The following BMERB1 variants were observed in gnomAD, a reference collection of about 807,000 sequenced individuals.
BMERB1 encodes the protein bMERB domain containing 1.
In BMERB1, 12 loss-of-function variants were observed where a neutral mutation model predicts 23.6. The observed-to-expected ratio is 0.51, with a 90% CI of 0.33 to 0.82. The LOEUF is 0.82. Ranked by LOEUF, BMERB1 falls within the 40% of genes least tolerant of loss-of-function variation. BMERB1 has a pLI of 0.03. For synonymous variants in BMERB1, 122 were observed against 96.6 expected (o/e 1.26, Z -1.54); for missense variants, 247 against 255.4 (o/e 0.97, Z 0.22).
chr16:15,441,714 T>A (rs1006618075), intron 1 of BMERB1, among the ~76,000 whole-genome samples: 8 of 151,510 alleles, frequency 5.3e-5, no homozygotes, highest in African/African-American at 1.9e-4. Flanking sequence ...AGAGATGGGG[T>A]TTTGCTGTGT....
intron 1 of BMERB1, among the ~76,000 whole-genome samples, chr16:15,499,505 A>G (rs115992313): frequency 0.014 from 2,113 of 152,236 alleles, 57 homozygotes; most frequent in African/African-American, 0.049. Context: ...TTGGACTTCT[A>G]TGAGGTCACA....
At chr16:15,521,187 T>C (rs1198150619) in intron 2 of BMERB1, among the ~76,000 whole-genome samples, 1 of 152,246 alleles carries the variant, frequency 6.6e-6, no homozygotes, top group East Asian at 1.9e-4. Flanking sequence ...ATCTTGTCAG[T>C]GATGGGCTTT....
chr16:15,578,326 G>A (rs1007160518), intron 3 of BMERB1, among the ~76,000 whole-genome samples: 1 of 151,068 alleles, frequency 6.6e-6, no homozygotes, highest in African/African-American at 2.4e-5. Flanking sequence ...AGCCTCCCAA[G>A]TAGCTGGGAT....
chr16:15,499,564 G>C (rs1430357539), intron 1 of BMERB1, among the ~76,000 whole-genome samples: 2 of 152,140 alleles, frequency 1.3e-5, no homozygotes, highest in Non-Finnish European at 2.9e-5. Flanking sequence ...AGCCAGTTCT[G>C]CATAATCTTG....
At chr16:15,471,002 A>G (rs1305361964) in intron 1 of BMERB1, among the ~76,000 whole-genome samples, 2 of 150,408 alleles carry the variant, frequency 1.3e-5, no homozygotes, top group Admixed American at 6.6e-5. Flanking sequence ...ACGCCCAGCT[A>G]ATTTTTTGTA....
At chr16:15,561,065 C>T (rs985411837) in intron 2 of BMERB1, among the ~76,000 whole-genome samples, 11 of 145,536 alleles carry the variant, frequency 7.6e-5, no homozygotes, top group Admixed American at 3.5e-4. Flanking sequence ...AAGTATTCTC[C>T]TGCCTCAGCT....
At chr16:15,445,034 G>T (rs867071967) in intron 1 of BMERB1, among the ~76,000 whole-genome samples, 13 of 152,134 alleles carry the variant, frequency 8.5e-5, no homozygotes, top group African/African-American at 3.1e-4. Context: ...GGAACTACAG[G>T]TGCACACCAC....
chr16:15,536,750 A>C (rs1300952559), intron 2 of BMERB1: 1 of 152,196 alleles, frequency 6.6e-6, no homozygotes, highest in African/African-American at 2.4e-5. Context: ...AGTTGTTCCA[A>C]GGCATAGCCT....
intron 3 of BMERB1, among the ~76,000 whole-genome samples, chr16:15,569,106 C>T (rs2030659053): frequency 6.6e-6 from 1 of 152,008 alleles, no homozygotes; most frequent in South Asian, 2.1e-4. Flanking sequence ...ATTCCAGCTA[C>T]TCAGGAGGCT....
At chr16:15,480,539 A>G (rs1418083742) in intron 1 of BMERB1, among the ~76,000 whole-genome samples, 3 of 141,784 alleles carry the variant, frequency 2.1e-5, no homozygotes, top group African/African-American at 5.2e-5. Context: ...TATTCATTTG[A>G]TTGTGTGCCT....
At chr16:15,481,086 A>C (rs1164603170) in intron 1 of BMERB1, among the ~76,000 whole-genome samples, 10 of 152,148 alleles carry the variant, frequency 6.6e-5, no homozygotes, top group Admixed American at 6.5e-4. Context: ...GCAAAATATT[A>C]TGTAGCTATT....
chr16:15,438,003 A>G lies in BMERB1; in HGVS notation c.106+3244A>G, dbSNP rs552908976. Among the ~76,000 whole-genome samples the G allele has an allele frequency of 2.4e-3, 372 of 151,944 alleles. 5 individuals carry two copies. Among genetic ancestry groups the G allele is most frequent in the African/African-American group, 8.7e-3 (359 of 41,454 alleles). On this transcript the variant is annotated intron_variant, in intron 1 of 5. Transcript: ENST00000300006. ...AAAGTCCTTCTTACCCTCTGTTTCA[A>G]ACCATCAAAGACTCAGTCTTGCTTC...
intron 1 of BMERB1, among the ~76,000 whole-genome samples, chr16:15,438,366 C>T (rs529473202): frequency 6.6e-6 from 1 of 152,030 alleles, no homozygotes; most frequent in Non-Finnish European, 1.5e-5. Flanking sequence ...GGATTACAGG[C>T]ATGAGCCACC....
chr16:15,576,899 C>A (rs75939318), intron 3 of BMERB1, among the ~76,000 whole-genome samples: 1 of 152,130 alleles, frequency 6.6e-6, no homozygotes, highest in Non-Finnish European at 1.5e-5. Flanking sequence ...ACAGCTCTCT[C>A]GGTCTCTCTC....
Position 15,462,997 on chromosome 16 carries a change from A to G in BMERB1, c.106+28238A>G, listed in dbSNP as rs541691935. On this transcript the variant is annotated intron_variant, in intron 1 of 5. Coordinates refer to ENST00000300006, the MANE Select transcript of BMERB1 (RefSeq NM_033201.3). ...CGGAGAGTTTCAAAAACTGGAAAGC[A>G]TTACAGGTGGCCAGTTTGTTTCCAT... is the stretch of plus-strand genomic sequence containing the variant. Among the ~76,000 whole-genome samples the G allele has an allele frequency of 1.2e-4, 19 of 152,306 alleles. No homozygotes were observed. The East Asian group carries it at 3.5e-3, about 28-fold the overall frequency.
chr16:15,527,408 C>T (rs1467712781), intron 2 of BMERB1, among the ~76,000 whole-genome samples: 2 of 152,152 alleles, frequency 1.3e-5, no homozygotes, highest in Admixed American at 1.3e-4. Flanking sequence ...AGTTCGAGAC[C>T]ACCCTGGGCA....
chr16:15,496,612 C>T (rs1036317677), intron 1 of BMERB1, among the ~76,000 whole-genome samples: 17 of 151,620 alleles, frequency 1.1e-4, no homozygotes, highest in African/African-American at 4.1e-4. Flanking sequence ...GATCTTGGCT[C>T]ACTACAAGCT....
chr16:15,573,532 TG>T (rs1239765372), intron 3 of BMERB1, among the ~76,000 whole-genome samples: 4 of 151,760 alleles, frequency 2.6e-5, no homozygotes, highest in South Asian at 4.2e-4. Context: ...GTTCCTGGGT[TG>T]GGGCCACAAG....
intron 1 of BMERB1, among the ~76,000 whole-genome samples, chr16:15,509,122 C>T (rs1016161811): frequency 6.6e-6 from 1 of 152,080 alleles, no homozygotes; most frequent in Non-Finnish European, 1.5e-5. Context: ...GATTAATTCT[C>T]TTCGTCCCAC....
Sources: allele counts gnomAD v4.1 joint callset (sites outside exome capture counted in the v4.1 genomes callset), GRCh38; gene constraint gnomAD v4.1.1; transcripts MANE v1.5; gene names NCBI Gene and HGNC (gene_info 2026-07-23, HGNC 2026-07-21).